The following COL11A1 variants were observed in gnomAD, a reference collection of about 807,000 sequenced individuals.
COL11A1 encodes collagen alpha-1(XI) chain.
A neutral mutation model predicts 265.2 loss-of-function variants in COL11A1; 74 were observed. That is an observed-to-expected ratio of 0.28 (90% CI 0.23 to 0.34). COL11A1 has a LOEUF of 0.34. Among genes scored for constraint, COL11A1 ranks in the 10% least tolerant of loss-of-function variants. COL11A1 has a pLI of 1.00. For missense variants in COL11A1, 2,165 were observed against 2,263.6 expected (o/e 0.96, Z 0.88); for synonymous variants, 816 against 727.6 (o/e 1.12, Z -1.96).
chr1:102,985,235 A>C (rs184592331), intron 30 of COL11A1, among the ~76,000 whole-genome samples: 1 of 152,252 alleles, frequency 6.6e-6, no homozygotes, highest in East Asian at 1.9e-4. Context: ...ACAAGTTCAA[A>C]TTTGTATGTG....
intron 42 of COL11A1, among the ~76,000 whole-genome samples, chr1:102,941,189 C>T (rs1007584021): frequency 5.9e-5 from 9 of 152,210 alleles, no homozygotes; most frequent in African/African-American, 1.7e-4. Flanking sequence ...ACATCTCCTG[C>T]TCCTTTAAAA....
chr1:102,958,473 T>C (rs1276601940), intron 41 of COL11A1, among the ~76,000 whole-genome samples: 1 of 152,136 alleles, frequency 6.6e-6, no homozygotes, highest in Admixed American at 6.6e-5. Context: ...AATTAAAAAA[T>C]TCAAAATCAA....
chr1:103,003,130 C>G, intron 21 of COL11A1, 85 bp downstream of exon 21: 1 of 1,366,232 alleles, frequency 7.3e-7, no homozygotes, highest in South Asian at 1.2e-5. Context: ...AAACTCTTGG[C>G]TCTCTACTGA....
intron 23 of COL11A1, 31 bp downstream of exon 23, chr1:103,002,397 T>C (rs1665194425): frequency 6.3e-7 from 1 of 1,575,600 alleles, no homozygotes; most frequent in South Asian, 1.2e-5. Flanking sequence ...CCCCCCATTA[T>C]TTCAAAGGAG....
In COL11A1 at chr1:102,974,756, T is replaced by C. The variant is rs1662301845; in HGVS notation, c.2808+74A>G. The C allele has an allele frequency of 2.7e-6, 3 of 1,112,838 alleles. No homozygotes were observed. The East Asian group carries it at 7.1e-5, about 26-fold the overall frequency. The allele number at this position is 1,112,838 out of a possible 1,614,324, so 68.9% of individuals were successfully genotyped here. A position where few individuals can be genotyped will look rare whatever the true frequency, so the allele number is the denominator to read the frequency against. On this transcript the variant is annotated intron_variant, in intron 36 of 66. Coordinates refer to ENST00000370096, the MANE Select transcript of COL11A1 (RefSeq NM_001854.4). ...ATCAATATTATATCTAACAAATATA[T>C]AAATGTAAGCTGTGACTCTCAAAAA... is the stretch of plus-strand genomic sequence containing the variant.
intron 57 of COL11A1, among the ~76,000 whole-genome samples, chr1:102,891,945 T>C (rs767265571): frequency 2.0e-5 from 3 of 152,192 alleles, no homozygotes; most frequent in Admixed American, 6.5e-5. Flanking sequence ...ATTGTTGTAC[T>C]ACAATTTTGA....
chr1:102,901,524 A>T (rs533082996), intron 54 of COL11A1, among the ~76,000 whole-genome samples: 65 of 20,372 alleles, frequency 3.2e-3, no homozygotes, highest in Non-Finnish European at 4.1e-3. Context: ...GTAGTACAAA[A>T]CAAAGAATGC....
intron 14 of COL11A1, among the ~76,000 whole-genome samples, chr1:103,010,355 A>G (rs1666003510): frequency 6.6e-6 from 1 of 152,174 alleles, no homozygotes; most frequent in African/African-American, 2.4e-5. Flanking sequence ...GAAATGGTAA[A>G]AAGAAACAAT....
At chr1:103,021,219 A>G (rs1035765331) in intron 9 of COL11A1, among the ~76,000 whole-genome samples, 2 of 151,550 alleles carry the variant, frequency 1.3e-5, no homozygotes, top group Admixed American at 6.6e-5. Flanking sequence ...TTTGGAGTGA[A>G]TTAGAGATTC....
At chr1:103,014,633 T>C in intron 12 of COL11A1, 39 bp from the exon 13 acceptor site, 1 of 1,532,616 alleles carries the variant, frequency 6.5e-7, no homozygotes, top group Non-Finnish European at 9.0e-7. Flanking sequence ...AAATTAGCTT[T>C]GTCAAACATG....
intron 2 of COL11A1, among the ~76,000 whole-genome samples, chr1:103,079,995 T>C (rs925176035): frequency 8.0e-4 from 121 of 152,048 alleles, no homozygotes; most frequent in African/African-American, 2.8e-3. Context: ...GTAAATGTAT[T>C]GTACTTTCAA....
At chr1:103,059,465 A>C (rs562119155) in intron 4 of COL11A1, among the ~76,000 whole-genome samples, 1 of 152,292 alleles carries the variant, frequency 6.6e-6, no homozygotes, top group African/African-American at 2.4e-5. Context: ...TTCACCTTTC[A>C]ACACAAAATT....
intron 4 of COL11A1, among the ~76,000 whole-genome samples, chr1:103,047,460 T>C (rs994944198): frequency 2.0e-5 from 3 of 152,222 alleles, no homozygotes; most frequent in Admixed American, 6.5e-5. Flanking sequence ...TTTTGTATCC[T>C]GAGACTTTGC....
chr1:102,943,265 T>A (rs1658919324), intron 42 of COL11A1, among the ~76,000 whole-genome samples: 1 of 152,040 alleles, frequency 6.6e-6, no homozygotes, highest in Non-Finnish European at 1.5e-5. Context: ...TAGTCCATTT[T>A]TTTTCTTTTT....
intron 7 of COL11A1, among the ~76,000 whole-genome samples, chr1:103,024,005 C>T (rs12729602): frequency 0.079 from 12,035 of 152,186 alleles, 529 homozygotes; most frequent in Middle Eastern, 0.15. Flanking sequence ...GAGACATAGA[C>T]AAAAACTGAT....
At chr1:102,939,986 C>CATG (rs2101298264) in intron 43 of COL11A1, among the ~76,000 whole-genome samples, 1 of 152,190 alleles carries the variant, frequency 6.6e-6, no homozygotes, top group South Asian at 2.1e-4. Context: ...ATATCCAAGA[C>CATG]ATGAGGACTA....
intron 18 of COL11A1, among the ~76,000 whole-genome samples, chr1:103,005,033 T>G (rs1665466910): frequency 6.6e-6 from 1 of 152,072 alleles, no homozygotes. Context: ...ACTTAAATAT[T>G]TTCTACTTCT....
chr1:103,060,687 T>C (rs1670604845), intron 4 of COL11A1, among the ~76,000 whole-genome samples: 1 of 152,072 alleles, frequency 6.6e-6, no homozygotes, highest in Admixed American at 6.6e-5. Flanking sequence ...CCTAGCCAGG[T>C]GAGGCGGCAC....
At chr1:102,895,729 C>T (rs1652344456) in intron 57 of COL11A1, among the ~76,000 whole-genome samples, 2 of 151,226 alleles carry the variant, frequency 1.3e-5, no homozygotes, top group South Asian at 2.1e-4. Flanking sequence ...ATAATCGTAT[C>T]ATATTTCTAA....
Sources: allele counts gnomAD v4.1 joint callset (sites outside exome capture counted in the v4.1 genomes callset), GRCh38; gene constraint gnomAD v4.1.1; transcripts MANE v1.5; gene names NCBI Gene and HGNC (gene_info 2026-07-23, HGNC 2026-07-21).